The following FAM168A variants were observed in gnomAD, a reference collection of about 807,000 sequenced individuals.
The protein encoded by FAM168A is family with sequence similarity 168 member A, also known as protein FAM168A.
FAM168A carries 3 observed loss-of-function variants against 28.5 expected under a neutral mutation model. The observed-to-expected ratio is 0.11, with a 90% CI of 0.05 to 0.27. The LOEUF is 0.27. Among genes scored for constraint, FAM168A ranks in the 10% least tolerant of loss-of-function variants. The probability of loss-of-function intolerance (pLI) is 1.00; values close to 1 mark genes in which losing one functional copy is unlikely to be tolerated. For missense variants in FAM168A, 222 were observed against 311.5 expected (o/e 0.71, Z 2.16); for synonymous variants, 122 against 124.2 (o/e 0.98, Z 0.12).
intron 1 of FAM168A, among the ~76,000 whole-genome samples, chr11:73,524,915 A>G (rs994957865): frequency 5.3e-5 from 8 of 151,994 alleles, no homozygotes; most frequent in African/African-American, 1.4e-4. Context: ...TCAATACTGT[A>G]TTTTTAAGTG....
chr11:73,514,841 C>CCATT (rs2134642355), intron 1 of FAM168A, among the ~76,000 whole-genome samples: 1 of 149,664 alleles, frequency 6.7e-6, no homozygotes, highest in Non-Finnish European at 1.5e-5. Flanking sequence ...ATCCATCCAT[C>CCATT]CATCCATCCA....
At chr11:73,562,800 T>G (rs969103835) in intron 1 of FAM168A, among the ~76,000 whole-genome samples, 1 of 152,010 alleles carries the variant, frequency 6.6e-6, no homozygotes, top group Non-Finnish European at 1.5e-5. Flanking sequence ...CATTTCAGCC[T>G]AGGCAACAGA....
chr11:73,419,980 C>G lies in FAM168A; in HGVS notation c.171G>C (p.Gln57His). ...SYAPATLLMK[Q>H]AWPQNSSSCG... is the part of the protein sequence containing the mutation. ...AGGAAGACGAGTTCTGTGGCCAGGC[C>G]TGTTTCATCAGCAGAGTTGCTTAAG... The change falls in exon 4 of 8, where the codon CAG (glutamine) becomes CAC (histidine). Residue 57 changes from glutamine to histidine, a missense_variant. Gln to His is a conservative substitution (Grantham distance 24). Around this residue, in one of 3 missense-constraint regions of FAM168A, gnomAD observed 153 missense variants for 189.2 expected, o/e 0.81. Coordinates refer to ENST00000356467, the MANE Select transcript of FAM168A (RefSeq NM_015159.3). 6.2e-7 allele frequency: 1 copy of G among 1,613,720 alleles called. No homozygotes were observed.
rs367782270 is a variant in FAM168A at position 73,468,542 on chromosome 11, C to CT, written c.-18-51dup. On this transcript the variant is annotated intron_variant, in intron 1 of 7. Coordinates refer to ENST00000356467, the MANE Select transcript of FAM168A (RefSeq NM_015159.3). ...CACTGATATTGATTGTTCATTCTTC[C>CT]TGACATCAGCTTCTCCTCCATAATC... 1.4e-4 allele frequency: 184 copies of CT among 1,358,992 alleles called. 1 individual carries two copies. In the Middle Eastern group the frequency reaches 3.3e-3, roughly 24 times the overall value. 84.2% of individuals were successfully genotyped at this position (1,358,992 alleles called of 1,614,324 possible). A position where few individuals can be genotyped will look rare whatever the true frequency, so the allele number is the denominator to read the frequency against.
intron 1 of FAM168A, among the ~76,000 whole-genome samples, chr11:73,531,743 T>C (rs1043521667): frequency 6.6e-6 from 1 of 152,010 alleles, no homozygotes; most frequent in East Asian, 1.9e-4. Context: ...CCACAATGCC[T>C]TTCATTCCCC....
At chr11:73,484,618 CTATATATA>C (rs1868022891) in intron 1 of FAM168A, among the ~76,000 whole-genome samples, 1 of 140,468 alleles carries the variant, frequency 7.1e-6, no homozygotes, top group African/African-American at 2.7e-5. Context: ...CGATATATAT[CTATATATA>C]GATATCTATA....
intron 1 of FAM168A, among the ~76,000 whole-genome samples, chr11:73,591,582 TCACTGTAGC>T (rs1480555589): frequency 6.6e-6 from 1 of 152,196 alleles, no homozygotes; most frequent in Non-Finnish European, 1.5e-5. Context: ...TGATCATAGC[TCACTGTAGC>T]CTCAAATTCC....
At chr11:73,585,207 C>T (rs1463055942) in intron 1 of FAM168A, among the ~76,000 whole-genome samples, 2 of 152,186 alleles carry the variant, frequency 1.3e-5, no homozygotes, top group Non-Finnish European at 2.9e-5. Flanking sequence ...CTGAAAGTCA[C>T]AATAAATTCC....
chr11:73,446,047 C>T (rs1408885378), intron 2 of FAM168A, among the ~76,000 whole-genome samples: 1 of 152,058 alleles, frequency 6.6e-6, no homozygotes, highest in African/African-American at 2.4e-5. Flanking sequence ...TTTATTTTTT[C>T]CTTTTAACAT....
intron 1 of FAM168A, among the ~76,000 whole-genome samples, chr11:73,502,767 CTG>C (rs754243242): frequency 4.8e-4 from 73 of 152,186 alleles, no homozygotes; most frequent in Non-Finnish European, 1.0e-3. Flanking sequence ...TACTGGCAAA[CTG>C]AATCCAGCAG....
chr11:73,579,321 T>C (rs1295964611), intron 1 of FAM168A, among the ~76,000 whole-genome samples: 1 of 152,298 alleles, frequency 6.6e-6, no homozygotes, highest in South Asian at 2.1e-4. Flanking sequence ...ATAATGTAAA[T>C]ACCATTATGT....
chr11:73,432,705 A>G (rs1460837015), intron 2 of FAM168A, among the ~76,000 whole-genome samples: 2 of 152,010 alleles, frequency 1.3e-5, no homozygotes, highest in Non-Finnish European at 2.9e-5. Flanking sequence ...CAAAGTCAAG[A>G]GATCGAGACC....
chr11:73,441,290 C>T (rs1306475261), intron 2 of FAM168A, among the ~76,000 whole-genome samples: 2 of 152,146 alleles, frequency 1.3e-5, no homozygotes, highest in South Asian at 2.1e-4. Flanking sequence ...ATCTCCTGAC[C>T]TTGTGATCCG....
At chr11:73,565,540 A>T (rs759340700) in intron 1 of FAM168A, among the ~76,000 whole-genome samples, 4 of 149,716 alleles carry the variant, frequency 2.7e-5, no homozygotes, top group Non-Finnish European at 4.4e-5. Context: ...CATCTGTAAA[A>T]TGGGAAACAT....
chr11:73,554,076 C>CA (rs1372782205), intron 1 of FAM168A, among the ~76,000 whole-genome samples: 1 of 151,250 alleles, frequency 6.6e-6, no homozygotes, highest in Non-Finnish European at 1.5e-5. Flanking sequence ...AGAAAACTAC[C>CA]AAAAAAATAA....
At chr11:73,540,509 G>A (rs965826190) in intron 1 of FAM168A, among the ~76,000 whole-genome samples, 1 of 152,066 alleles carries the variant, frequency 6.6e-6, no homozygotes, top group African/African-American at 2.4e-5. Flanking sequence ...CATTTTGTCT[G>A]CCTCCTGCCC....
intron 1 of FAM168A, among the ~76,000 whole-genome samples, 169 bp from the exon 2 acceptor site, chr11:73,468,661 C>T (rs1441988250): frequency 6.6e-6 from 1 of 152,220 alleles, no homozygotes; most frequent in Non-Finnish European, 1.5e-5. Flanking sequence ...ATGTTAAATA[C>T]TTTCCCCATT....
At chr11:73,429,950 T>C (rs542767096) in intron 3 of FAM168A, among the ~76,000 whole-genome samples, 2 of 152,222 alleles carry the variant, frequency 1.3e-5, no homozygotes, top group African/African-American at 2.4e-5. Flanking sequence ...GTGAGGTGAC[T>C]TGCCCAAGGC....
At chr11:73,448,953 C>G (rs1313961982) in intron 2 of FAM168A, among the ~76,000 whole-genome samples, 2 of 151,916 alleles carry the variant, frequency 1.3e-5, no homozygotes, top group Non-Finnish European at 2.9e-5. Context: ...TTTTCTCTCT[C>G]TCTCTAACTC....
Sources: gnomAD v4.1 joint callset for allele counts (sites outside exome capture counted in the v4.1 genomes callset) on GRCh38, gnomAD v4.1.1 for gene constraint, gnomAD v4.1.1 regional missense constraint, MANE v1.5 for transcripts, NCBI Gene and HGNC (gene_info 2026-07-23, HGNC 2026-07-21) for gene names.